LRRC20: variants seen among roughly 807,000 people sequenced by gnomAD.
LRRC20 encodes the protein leucine rich repeat containing 20, also known as leucine-rich repeat-containing protein 20.
LRRC20 carries 11 observed loss-of-function variants against 14.4 expected under a neutral mutation model. The ratio of observed to expected loss-of-function variants is 0.77; its 90% CI spans 0.48 to 1.27. LRRC20 has a LOEUF of 1.27. LRRC20 is among the 50% of genes most tolerant of loss of function. The pLI is 0.00. For missense variants in LRRC20, 219 were observed against 251.2 expected, an observed-to-expected ratio of 0.87 and a Z score of 0.87; for synonymous variants, 121 against 107.3, an observed-to-expected ratio of 1.13 and a Z score of -0.79.
At chr10:70,303,449 T>A (rs1166248950) in intron 4 of LRRC20, among the ~76,000 whole-genome samples, 2 of 152,214 alleles carry the variant, frequency 1.3e-5, no homozygotes, top group African/African-American at 2.4e-5. Context: ...GGATCATCAC[T>A]ATGCTGGATC....
chr10:70,368,868 C>A (rs1170411255), intron 2 of LRRC20, among the ~76,000 whole-genome samples: 1 of 152,174 alleles, frequency 6.6e-6, no homozygotes, highest in East Asian at 1.9e-4. Flanking sequence ...GGCAATCTGC[C>A]CGCCTCAGCG....
In LRRC20 at chr10:70,323,911, C is replaced by T. The variant is rs749051232; in HGVS notation, c.352G>A (p.Ala118Thr). Residue 118 changes from alanine to threonine, a missense_variant, in exon 4 of 5, where the codon GCC becomes ACC. By Grantham distance (58) the Ala-to-Thr change is moderately conservative (BLOSUM62 0). Transcript: ENST00000446961. Reference protein sequence around the residue: ...QFQDFPEQLTALPALETINLE... With the variant: ...QFQDFPEQLTTLPALETINLE... ...TTGATGGTCTCCAGCGCCGGCAGGGCGGTAAGCTGCTCAGGGAAGTCCTGG... is the reference window on the plus strand; with the variant it reads ...TTGATGGTCTCCAGCGCCGGCAGGGTGGTAAGCTGCTCAGGGAAGTCCTGG... The T allele has an allele frequency of 1.1e-5, 18 of 1,614,184 alleles. No individual in the cohort carries two copies. Among genetic ancestry groups the T allele is most frequent in the South Asian group, 6.6e-5 (6 of 91,090 alleles).
chr10:70,326,809 C>A (rs764519006), intron 3 of LRRC20, among the ~76,000 whole-genome samples: 1 of 152,198 alleles, frequency 6.6e-6, no homozygotes, highest in African/African-American at 2.4e-5. Flanking sequence ...CCCGCCACCA[C>A]GCCTGGCTAA....
At chr10:70,306,264 T>C (rs577440508) in intron 4 of LRRC20, among the ~76,000 whole-genome samples, 1 of 152,296 alleles carries the variant, frequency 6.6e-6, no homozygotes, top group African/African-American at 2.4e-5. Flanking sequence ...GGGTTCCAGG[T>C]ATTCACATTG....
intron 2 of LRRC20, among the ~76,000 whole-genome samples, chr10:70,351,780 G>T (rs78797891): frequency 0.042 from 6,350 of 152,248 alleles, 464 homozygotes; most frequent in African/African-American, 0.15. Context: ...AACACGTCCA[G>T]TGTGAGTTGT....
At chr10:70,380,870 G>A (rs990994236) in intron 1 of LRRC20, among the ~76,000 whole-genome samples, 1 of 152,258 alleles carries the variant, frequency 6.6e-6, no homozygotes, top group African/African-American at 2.4e-5. Context: ...GCTAGAACAA[G>A]CTTCCCACTG....
intron 2 of LRRC20, among the ~76,000 whole-genome samples, chr10:70,346,558 GTGT>G (rs1442571557): frequency 6.6e-6 from 1 of 152,166 alleles, no homozygotes; most frequent in Non-Finnish European, 1.5e-5. Flanking sequence ...CAACCCAGGT[GTGT>G]TGATTGTTTC....
chr10:70,355,792 G>C (rs1039177459), intron 2 of LRRC20, among the ~76,000 whole-genome samples: 5 of 152,272 alleles, frequency 3.3e-5, no homozygotes, highest in African/African-American at 1.2e-4. Flanking sequence ...GGTGTTGATG[G>C]GGACATAGGG....
Position 70,316,428 on chromosome 10 carries a change from C to T in LRRC20, c.400+7435G>A, listed in dbSNP as rs577647847. On this transcript the variant is annotated intron_variant, in intron 4 of 4. Coordinates refer to ENST00000446961, the MANE Select transcript of LRRC20 (RefSeq NM_001278212.2). ...GATTACAGGCGTGAGCCACCGCGCC[C>T]GGCCCTTTTCTTGTGTTTTAAACAA... is the stretch of plus-strand genomic sequence containing the variant. Among the ~76,000 whole-genome samples, 58 of 152,368 alleles carry T rather than the reference C, an allele frequency of 3.8e-4. 2 individuals are homozygous for T. Among genetic ancestry groups the T allele is most frequent in the South Asian group, 2.7e-3 (13 of 4,834 alleles).
chr10:70,360,007 C>A (rs889526628), intron 2 of LRRC20, among the ~76,000 whole-genome samples: 1 of 151,218 alleles, frequency 6.6e-6, no homozygotes, highest in African/African-American at 2.4e-5. Context: ...ACCTCTGCCT[C>A]CCAGGTTCAA....
At chr10:70,359,419 T>C (rs1434200985) in intron 2 of LRRC20, among the ~76,000 whole-genome samples, 2 of 152,166 alleles carry the variant, frequency 1.3e-5, no homozygotes, top group Non-Finnish European at 2.9e-5. Flanking sequence ...CTGGGTGTGG[T>C]GGCATGCACC....
intron 4 of LRRC20, among the ~76,000 whole-genome samples, chr10:70,313,949 GA>G (rs1841760927): frequency 6.6e-6 from 1 of 152,132 alleles, no homozygotes; most frequent in African/African-American, 2.4e-5. Flanking sequence ...AACTTATAAA[GA>G]AAAAGAGGTT....
At chr10:70,341,971 G>A (rs1206406247) in intron 2 of LRRC20, among the ~76,000 whole-genome samples, 1 of 152,072 alleles carries the variant, frequency 6.6e-6, no homozygotes, top group Non-Finnish European at 1.5e-5. Context: ...AGGGGATGGA[G>A]GGTGGGGGAG....
At chr10:70,373,595 T>A (rs190618960) in intron 2 of LRRC20, among the ~76,000 whole-genome samples, 138 of 152,352 alleles carry the variant, frequency 9.1e-4, no homozygotes, top group African/African-American at 3.1e-3. Flanking sequence ...CTCTGGCCAA[T>A]GCACAGATGC....
At chr10:70,371,623 G>A (rs1365867458) in intron 2 of LRRC20, among the ~76,000 whole-genome samples, 2 of 152,126 alleles carry the variant, frequency 1.3e-5, no homozygotes, top group African/African-American at 4.8e-5. Context: ...AGGACCCACG[G>A]AAACCCAGAT....
At chr10:70,371,617 C>T (rs1308347413) in intron 2 of LRRC20, among the ~76,000 whole-genome samples, 10 of 152,016 alleles carry the variant, frequency 6.6e-5, no homozygotes, top group Non-Finnish European at 2.9e-5. Context: ...CGGTCCAGGA[C>T]CCACGGAAAC....
chr10:70,332,536 C>T (rs569157757), intron 3 of LRRC20, among the ~76,000 whole-genome samples: 8 of 152,206 alleles, frequency 5.3e-5, no homozygotes, highest in East Asian at 1.9e-4. Flanking sequence ...CCCAGCTAGT[C>T]GGGAGGCTAA....
chr10:70,322,281 C>T (rs563952493), intron 4 of LRRC20, among the ~76,000 whole-genome samples: 1 of 152,328 alleles, frequency 6.6e-6, no homozygotes, highest in African/African-American at 2.4e-5. Context: ...TGGTGAGACC[C>T]ACCTGTCTAC....
chr10:70,317,368 T>A (rs1444059240), intron 4 of LRRC20, among the ~76,000 whole-genome samples: 11 of 152,010 alleles, frequency 7.2e-5, no homozygotes, highest in Non-Finnish European at 1.3e-4. Context: ...CTTTTTTTTT[T>A]TAAATTGTTG....
Sources: allele counts gnomAD v4.1 joint callset (sites outside exome capture counted in the v4.1 genomes callset), GRCh38; gene constraint gnomAD v4.1.1; transcripts MANE v1.5; gene names NCBI Gene and HGNC (gene_info 2026-07-23, HGNC 2026-07-21).